CEP83: variants seen among roughly 807,000 people sequenced by gnomAD.
CEP83 encodes the protein centrosomal protein 83.
Under a neutral mutation model 101.9 loss-of-function variants are expected in CEP83, and 70 were observed. The ratio of observed to expected loss-of-function variants is 0.69; its 90% CI spans 0.57 to 0.84. The LOEUF is 0.84. Ranked by LOEUF, CEP83 falls within the 40% of genes least tolerant of loss-of-function variation. The pLI, the probability that CEP83 is intolerant of heterozygous loss-of-function variation, is 0.00. For synonymous variants in CEP83, 264 were observed against 267.9 expected (o/e 0.99, Z 0.14); for missense variants, 715 against 787.2 (o/e 0.91, Z 1.10).
chr12:94,441,021 A>C (rs1297608592), intron 1 of CEP83, among the ~76,000 whole-genome samples: 1 of 152,244 alleles, frequency 6.6e-6, no homozygotes, highest in Non-Finnish European at 1.5e-5. Context: ...ACCTTACACA[A>C]AAATCAACTC....
intron 1 of CEP83, among the ~76,000 whole-genome samples, chr12:94,455,954 A>C (rs1426052842): frequency 6.6e-6 from 1 of 152,024 alleles, no homozygotes; most frequent in Non-Finnish European, 1.5e-5. Context: ...AGGCTGAGGC[A>C]GGAGAATCAC....
intron 11 of CEP83, among the ~76,000 whole-genome samples, chr12:94,349,899 C>A (rs998215643): frequency 6.6e-6 from 1 of 152,082 alleles, no homozygotes; most frequent in Non-Finnish European, 1.5e-5. Flanking sequence ...AAAATAATTC[C>A]ATTTACAATA....
chr12:94,380,884 T>C (rs2061812763), intron 6 of CEP83, among the ~76,000 whole-genome samples: 1 of 152,208 alleles, frequency 6.6e-6, no homozygotes, highest in African/African-American at 2.4e-5. Flanking sequence ...GAGGCATCTG[T>C]GTGATAGCTG....
At chr12:94,280,049 C>T in the CEP83 span, 10 of 350,288 alleles carry the variant, frequency 2.9e-5, no homozygotes, top group Non-Finnish European at 5.6e-5. Flanking sequence ...CTGAGCGTGT[C>T]ATTACTGGGT....
chr12:94,406,114 T>A (rs2063519307), intron 4 of CEP83, among the ~76,000 whole-genome samples: 1 of 152,142 alleles, frequency 6.6e-6, no homozygotes, highest in Admixed American at 6.5e-5. Flanking sequence ...TGGGAAATAA[T>A]TAGCACTACA....
At chr12:94,436,326 A>T (rs905770586) in intron 1 of CEP83, among the ~76,000 whole-genome samples, 1 of 146,846 alleles carries the variant, frequency 6.8e-6, no homozygotes, top group East Asian at 2.0e-4. Context: ...TTGAACAAAT[A>T]AAAAAAAAAA....
chr12:94,417,812 A>G (rs998505566), intron 2 of CEP83, among the ~76,000 whole-genome samples: 1 of 152,100 alleles, frequency 6.6e-6, no homozygotes, highest in Non-Finnish European at 1.5e-5. Flanking sequence ...ACATACATAC[A>G]TACATACATT....
the CEP83 span, among the ~76,000 whole-genome samples, chr12:94,281,009 T>A: frequency 2.0e-5 from 3 of 152,184 alleles, no homozygotes; most frequent in Admixed American, 2.0e-4. Context: ...CTGGACGTGG[T>A]GGCTCACGCC....
At chr12:94,305,291 CTG>C (rs569650881), downstream of CEP83, 54 of 1,568,506 alleles carry the variant, frequency 3.4e-5, no homozygotes, top group South Asian at 5.6e-4. Flanking sequence ...TGTAAGCACT[CTG>C]GGGCCTGGCT....
chr12:94,387,485 T>C (rs909474543), intron 6 of CEP83, among the ~76,000 whole-genome samples: 2 of 152,160 alleles, frequency 1.3e-5, no homozygotes, highest in Non-Finnish European at 1.5e-5. Context: ...CATGGAGTAA[T>C]TGTCTTCCAC....
chr12:94,326,883 T>A (rs544068811), intron 14 of CEP83, among the ~76,000 whole-genome samples: 41 of 152,342 alleles, frequency 2.7e-4, no homozygotes, highest in African/African-American at 8.9e-4. Context: ...GCTGGCACTC[T>A]GACTGTAGAT....
At chr12:94,453,737 C>T (rs1033698555) in intron 1 of CEP83, among the ~76,000 whole-genome samples, 2 of 152,034 alleles carry the variant, frequency 1.3e-5, no homozygotes, top group Non-Finnish European at 2.9e-5. Flanking sequence ...GAAAATAGGC[C>T]ATGAAAGGTG....
Position 94,359,060 on chromosome 12 carries a change from T to A in CEP83, c.1343+8734A>T, listed in dbSNP as rs1181014100. ...TCTTAAGGGTGTGTTCCTGCTGCAA[T>A]TAATTTGGCCCATCCCTTCATTTCC... On this transcript the variant is annotated intron_variant, in intron 11 of 16. Coordinates refer to ENST00000397809, the MANE Select transcript of CEP83 (RefSeq NM_016122.3). Among the ~76,000 whole-genome samples the A allele has an allele frequency of 5.9e-5, 9 of 152,370 alleles. No homozygotes were observed. The East Asian group carries it at 9.6e-4, about 16-fold the overall frequency.
chr12:94,308,911 G>T lies in CEP83; in HGVS notation c.2008C>A (p.Gln670Lys), dbSNP rs1969382958. The change falls in exon 17 of 17, where the codon CAA (glutamine) becomes AAA (lysine). Residue 670 changes from glutamine to lysine, a missense_variant. By Grantham distance (53) the Gln-to-Lys change is moderately conservative. Coordinates refer to ENST00000397809, the MANE Select transcript of CEP83 (RefSeq NM_016122.3). ...LPFPPHMQEE[Q>K]HQRELSLLRK... ...AGTAGAGAGAGTTCCCTTTGATGTT[G>T]TTCCTCCTTAAAATGATGTAGAGAA... The T allele has an allele frequency of 3.7e-6, 6 of 1,606,342 alleles. No homozygotes were observed. The East Asian group carries it at 1.3e-4, about 36-fold the overall frequency.
chr12:94,292,106 A>AAT, the CEP83 span, among the ~76,000 whole-genome samples: 4 of 152,200 alleles, frequency 2.6e-5, no homozygotes, highest in African/African-American at 9.7e-5. Context: ...ATACTACATG[A>AAT]ACTAACACAT....
chr12:94,368,201 C>T lies in CEP83; in HGVS notation c.1049G>A (p.Gly350Glu), dbSNP rs534501043. 1 of 1,607,442 alleles carries T rather than the reference C, an allele frequency of 6.2e-7. No homozygotes were observed. Among genetic ancestry groups the T allele is most frequent in the Admixed American group, 1.7e-5 (1 of 58,952 alleles). The change falls in exon 10 of 17, where the codon GGA becomes GAA. Residue 350 changes from glycine to glutamate, a missense_variant and splice_region_variant. Physicochemically the swap from Gly to Glu is moderately conservative, Grantham distance 98 (BLOSUM62 -2). Transcript: ENST00000397809. The stretch of plus-strand genomic sequence containing the variant: ...GAGAATTTCATTGTCTGACTGTAAT[C>T]CTAGTGTTTTTCAAGGAGAAAAGTG... ...ERNKIQSELD[G>E]LQSDNEILKA... is the part of the protein sequence containing the mutation.
In CEP83 at chr12:94,407,102, C is replaced by T. The variant is rs11836711; in HGVS notation, c.325-3840G>A. 3.6e-3 allele frequency among the ~76,000 whole-genome samples: 550 copies of T among 151,888 alleles called. 5 individuals are homozygous for T. Among genetic ancestry groups the T allele is most frequent in the African/African-American group, 0.012 (513 of 41,434 alleles). On this transcript the variant is annotated intron_variant, in intron 4 of 16. Transcript: ENST00000397809. Reference sequence around the variant, plus strand: ...AAATGAAGCACAGAGACAAAAAATACTAAAAATAAATTAATAAACAACATC... The same window carrying T: ...AAATGAAGCACAGAGACAAAAAATATTAAAAATAAATTAATAAACAACATC...
intron 4 of CEP83, among the ~76,000 whole-genome samples, chr12:94,405,420 G>C (rs2063479074): frequency 6.6e-6 from 1 of 152,034 alleles, no homozygotes; most frequent in Non-Finnish European, 1.5e-5. Context: ...GAAACATTGA[G>C]GAAAAAAGTG....
intron 1 of CEP83, among the ~76,000 whole-genome samples, chr12:94,450,934 A>G (rs1454005666): frequency 6.6e-6 from 1 of 152,226 alleles, no homozygotes; most frequent in Non-Finnish European, 1.5e-5. Context: ...ACTTATTTTG[A>G]AACTTACTAT....
Sources: allele counts gnomAD v4.1 joint callset (sites outside exome capture counted in the v4.1 genomes callset), GRCh38; gene constraint gnomAD v4.1.1; transcripts MANE v1.5; gene names NCBI Gene and HGNC (gene_info 2026-07-23, HGNC 2026-07-21).